Variants in SMG6 observed in about 807,000 individuals in gnomAD.
The protein encoded by SMG6 is SMG6 nonsense mediated mRNA decay factor, also known as telomerase-binding protein EST1A.
Under a neutral mutation model 142.2 loss-of-function variants are expected in SMG6, and 66 were observed. That is an observed-to-expected ratio of 0.46 (90% CI 0.38 to 0.57). The LOEUF is 0.57. Ranked by LOEUF, SMG6 falls within the 20% of genes least tolerant of loss-of-function variation. The pLI is 0.00. For missense variants in SMG6, 1,793 were observed against 1,832.0 expected (o/e 0.98, Z 0.39); for synonymous variants, 779 against 702.4 (o/e 1.11, Z -1.72).
intron 13 of SMG6, among the ~76,000 whole-genome samples, chr17:2,149,660 CA>C (rs2151595433): frequency 6.6e-6 from 1 of 152,236 alleles, no homozygotes; most frequent in South Asian, 2.1e-4. Flanking sequence ...CTGGCAAGGC[CA>C]AATATTGTCC....
At chr17:2,206,285 G>A (rs2151735088) in intron 10 of SMG6, among the ~76,000 whole-genome samples, 1 of 149,676 alleles carries the variant, frequency 6.7e-6, no homozygotes, top group East Asian at 2.1e-4. Context: ...GATACATGGT[G>A]TTTTAAGAAG....
chr17:2,067,465 A>G (rs1169385436), intron 16 of SMG6, among the ~76,000 whole-genome samples: 1 of 152,188 alleles, frequency 6.6e-6, no homozygotes, highest in Non-Finnish European at 1.5e-5. Flanking sequence ...TTTCCCCTGA[A>G]AAGCTCCTGG....
chr17:2,291,798 T>C (rs1471904331), intron 6 of SMG6, among the ~76,000 whole-genome samples: 3 of 142,310 alleles, frequency 2.1e-5, no homozygotes, highest in African/African-American at 5.2e-5. Context: ...CCTAAGCCAG[T>C]AGTTTGCGTC....
At chr17:2,288,135 G>A (rs531334541) in intron 6 of SMG6, among the ~76,000 whole-genome samples, 18 of 152,140 alleles carry the variant, frequency 1.2e-4, no homozygotes, top group African/African-American at 2.9e-4. Flanking sequence ...CCAACATGGT[G>A]AAACCCCATC....
intron 14 of SMG6, chr17:2,082,377 G>A (rs148694546): frequency 2.0e-4 from 34 of 172,272 alleles, no homozygotes; most frequent in African/African-American, 7.5e-4. Flanking sequence ...TCATGCTAAC[G>A]ATCTGATAGG....
chr17:2,289,922 A>G (rs932101802), intron 6 of SMG6, among the ~76,000 whole-genome samples: 1 of 135,512 alleles, frequency 7.4e-6, no homozygotes, highest in Non-Finnish European at 1.5e-5. Flanking sequence ...TCTCAAAAAA[A>G]AATAATTATT....
intron 8 of SMG6, among the ~76,000 whole-genome samples, chr17:2,252,944 T>G (rs561272871): frequency 1.3e-5 from 2 of 152,022 alleles, no homozygotes; most frequent in East Asian, 1.9e-4. Context: ...AAGAGAATAT[T>G]TGATGACATG....
intron 17 of SMG6, 101 bp downstream of exon 17, chr17:2,065,367 C>T: frequency 3.2e-6 from 4 of 1,266,646 alleles, no homozygotes; most frequent in Non-Finnish European, 4.5e-6. Flanking sequence ...GTGGCTGGCC[C>T]TCAGCTGCCC....
At chr17:2,227,417 A>T (rs181077489) in intron 10 of SMG6, among the ~76,000 whole-genome samples, 17 of 152,390 alleles carry the variant, frequency 1.1e-4, no homozygotes, top group Admixed American at 4.6e-4. Flanking sequence ...ATGTAACAAC[A>T]TGAATAAATC....
At chr17:2,170,561 T>C (rs527640204) in intron 13 of SMG6, among the ~76,000 whole-genome samples, 2 of 152,256 alleles carry the variant, frequency 1.3e-5, no homozygotes, top group Non-Finnish European at 1.5e-5. Context: ...TTAGCTGTCC[T>C]CAGCCTCACA....
At chr17:2,106,333 T>C (rs1412599167) in intron 13 of SMG6, among the ~76,000 whole-genome samples, 1 of 152,140 alleles carries the variant, frequency 6.6e-6, no homozygotes, top group African/African-American at 2.4e-5. Flanking sequence ...TGCCCTGTTA[T>C]GCCAGAGTTC....
intron 16 of SMG6, among the ~76,000 whole-genome samples, chr17:2,066,890 C>T (rs2067967842): frequency 6.6e-6 from 1 of 152,224 alleles, no homozygotes; most frequent in Non-Finnish European, 1.5e-5. Flanking sequence ...GCTTCTGCAC[C>T]AGGCGGGGCT....
chr17:2,082,523 G>A (rs1295930276), intron 14 of SMG6, among the ~76,000 whole-genome samples: 1 of 152,224 alleles, frequency 6.6e-6, no homozygotes, highest in Non-Finnish European at 1.5e-5. Context: ...TGTGAGGACT[G>A]CTGGGCCCCT....
At chr17:2,180,933 G>C (rs1489660291) in intron 12 of SMG6, among the ~76,000 whole-genome samples, 4 of 152,166 alleles carry the variant, frequency 2.6e-5, no homozygotes, top group Admixed American at 2.6e-4. Context: ...AGCATGCCAA[G>C]AAGGGGCACT....
intron 14 of SMG6, 91 bp from the exon 15 acceptor site, chr17:2,082,047 C>A: frequency 7.2e-7 from 1 of 1,395,122 alleles, no homozygotes; most frequent in Non-Finnish European, 1.0e-6. Context: ...TGTGGCCCCT[C>A]ACCCACGCAG....
intron 8 of SMG6, 99 bp downstream of exon 8, chr17:2,282,548 G>T: frequency 8.4e-7 from 1 of 1,192,326 alleles, no homozygotes; most frequent in Non-Finnish European, 1.2e-6. Flanking sequence ...TGTCTTCCTT[G>T]CAATCAGTGG....
chr17:2,146,557 T>C (rs997121555), intron 13 of SMG6, among the ~76,000 whole-genome samples: 1 of 152,234 alleles, frequency 6.6e-6, no homozygotes, highest in Non-Finnish European at 1.5e-5. Flanking sequence ...TGTCTTTTCT[T>C]TTTTTGAGAC....
At chr17:2,228,417 T>C (rs1039198555) in intron 10 of SMG6, among the ~76,000 whole-genome samples, 3 of 152,036 alleles carry the variant, frequency 2.0e-5, no homozygotes, top group Non-Finnish European at 4.4e-5. Flanking sequence ...TTAGTAGAGA[T>C]GGGGTTTCAC....
chr17:2,140,528 C>T (rs973024753), intron 13 of SMG6, among the ~76,000 whole-genome samples: 3 of 152,026 alleles, frequency 2.0e-5, no homozygotes, highest in East Asian at 1.9e-4. Flanking sequence ...AAAAATCAGC[C>T]GGGTGTGGTA....
Sources: gnomAD v4.1 joint callset for allele counts (sites outside exome capture counted in the v4.1 genomes callset) on GRCh38, gnomAD v4.1.1 for gene constraint, MANE v1.5 for transcripts, NCBI Gene and HGNC (gene_info 2026-07-23, HGNC 2026-07-21) for gene names.